CHD8: variants seen among roughly 807,000 people sequenced by gnomAD.
CHD8 encodes ATP-dependent chromatin remodeler CHD8.
Under a neutral mutation model 279.2 loss-of-function variants are expected in CHD8, and 31 were observed. The ratio of observed to expected loss-of-function variants is 0.11; its 90% confidence interval spans 0.08 to 0.15. CHD8 has a LOEUF of 0.15. CHD8 is among the 10% of genes least tolerant of loss of function. CHD8 has a pLI of 1.00. For synonymous variants in CHD8, 1,081 were observed against 1,139.6 expected, an observed-to-expected ratio of 0.95 and a Z score of 1.04; for missense variants, 2,146 against 3,230.5, an observed-to-expected ratio of 0.66 and a Z score of 8.14.
In CHD8 at chr14:21,415,925, G is replaced by C. The variant is rs770038807; in HGVS notation, c.1717-18C>G. The C allele has an allele frequency of 6.2e-7, 1 of 1,603,458 alleles. No homozygotes were observed. Among genetic ancestry groups the C allele is most frequent in the South Asian group, 1.1e-5 (1 of 89,446 alleles). On this transcript the variant is annotated intron_variant, in intron 5 of 37. Transcript: ENST00000646647. ...CGTCTCTTCTGTAGAGCAAAAAGTAGTTAGAGTGACTAGTTAGGTCTCTCA... is the reference window on the plus strand; with the variant it reads ...CGTCTCTTCTGTAGAGCAAAAAGTACTTAGAGTGACTAGTTAGGTCTCTCA...
rs566804744 is a variant in CHD8, at chr14:21,431,511, A to G, written c.133T>C (p.Ser45Pro). The G allele has an allele frequency of 6.5e-7, 1 of 1,537,182 alleles. No individual in the cohort carries two copies. The highest frequency in any genetic ancestry group is 2.4e-5 in the East Asian group (1 of 40,916). Reference protein sequence around the residue: ...EALGLPSSLDSLDQMNQDGGG... With the variant: ...EALGLPSSLDPLDQMNQDGGG... ...CCATCCTGGTTCATCTGATCCAAGG[A>G]GTCCAGAGAGCTTGGCAGTCCAAGG... is the stretch of plus-strand genomic sequence containing the variant. Residue 45 changes from serine to proline, a missense_variant, in exon 2 of 38, where the codon TCC becomes CCC. Physicochemically the swap from Ser to Pro is moderately conservative, Grantham distance 74. Transcript: ENST00000646647.
intron 5 of CHD8, among the ~76,000 whole-genome samples, chr14:21,421,382 T>A (rs1889038642): frequency 6.6e-6 from 1 of 151,848 alleles, no homozygotes; most frequent in Non-Finnish European, 1.5e-5. Flanking sequence ...TGCCATCTAG[T>A]ATTCTACTGC....
Position 21,428,196 on chromosome 14 carries a change from C to G in CHD8, c.1274G>C (p.Ser425Thr). 1 of 1,613,980 alleles carries G rather than the reference C, an allele frequency of 6.2e-7. No homozygotes were observed. The highest frequency in any genetic ancestry group is 8.5e-7 in the Non-Finnish European group (1 of 1,179,858). Residue 425 changes from serine (S) to threonine (T), a missense_variant, in exon 4 of 38, where the codon AGT becomes ACT. Ser to Thr is a moderately conservative substitution (Grantham distance 58). Coordinates refer to ENST00000646647, the MANE Select transcript of CHD8 (RefSeq NM_001170629.2). ...TGGTGATGACAAAGCTGCCACTTCA[C>G]TGGCACTCAGAACTTTAACTACAGA... is the stretch of plus-strand genomic sequence containing the variant. Reference protein sequence around the residue: ...GLSVVKVLSASEVAALSSPAS... With the variant: ...GLSVVKVLSATEVAALSSPAS...
chr14:21,442,516 GT>G (rs1890002034), intron 1 of CHD8, among the ~76,000 whole-genome samples: 1 of 151,254 alleles, frequency 6.6e-6, no homozygotes, highest in Non-Finnish European at 1.5e-5. Flanking sequence ...GGCATATGCT[GT>G]GGTCTCAGCT....
intron 27 of CHD8, chr14:21,397,411 A>G: frequency 3.9e-6 from 2 of 515,144 alleles, no homozygotes; most frequent in East Asian, 5.5e-5. Flanking sequence ...ACATGTTTTC[A>G]GGCAAAATAA....
intron 33 of CHD8, 62 bp downstream of exon 33, chr14:21,393,044 C>T (rs1280579207): frequency 3.7e-5 from 56 of 1,521,914 alleles, no homozygotes; most frequent in Middle Eastern, 2.3e-4. Flanking sequence ...CCTTTTTCCC[C>T]GGATATACTG....
At chr14:21,421,246 T>C (rs1165073149) in intron 5 of CHD8, among the ~76,000 whole-genome samples, 6 of 152,126 alleles carry the variant, frequency 3.9e-5, no homozygotes, top group Non-Finnish European at 1.5e-5. Flanking sequence ...AATGGATGCA[T>C]ATACATATAT....
At chr14:21,448,969 T>A (rs1398793051) in intron 1 of CHD8, among the ~76,000 whole-genome samples, 1 of 151,498 alleles carries the variant, frequency 6.6e-6, no homozygotes, top group Non-Finnish European at 1.5e-5. Flanking sequence ...GGTCAGGAGA[T>A]CGAGACCATC....
At chr14:21,440,071 G>A (rs1178884626) in intron 1 of CHD8, among the ~76,000 whole-genome samples, 2 of 152,208 alleles carry the variant, frequency 1.3e-5, no homozygotes, top group African/African-American at 4.8e-5. Flanking sequence ...GTGTATGTAT[G>A]TGGGAAGAGG....
chr14:21,411,889 C>A (rs1371750342), intron 10 of CHD8, among the ~76,000 whole-genome samples: 1 of 151,904 alleles, frequency 6.6e-6, no homozygotes, highest in Non-Finnish European at 1.5e-5. Context: ...CATGGTGAAA[C>A]CCTGTCTGTA....
chr14:21,426,048 G>A lies in CHD8; in HGVS notation c.1716+80C>T, dbSNP rs79484978. 10,540 of 848,096 alleles carry A rather than the reference G, an allele frequency of 0.012. 532 individuals are homozygous for A. In the East Asian group the frequency reaches 0.15, roughly 12 times the overall value. 52.5% of individuals were successfully genotyped at this position (848,096 alleles called of 1,614,324 possible). A position where few individuals can be genotyped will look rare whatever the true frequency, so the allele number is the denominator to read the frequency against. ...GCCAAAGAAATGTGTATAGACTTAC[G>A]ATTTCTCAATATCTGCTTGGCTTGG... On this transcript the variant is annotated intron_variant, in intron 5 of 37. Transcript: ENST00000646647.
chr14:21,404,073 T>C (rs1237764731), intron 16 of CHD8, among the ~76,000 whole-genome samples: 1 of 149,508 alleles, frequency 6.7e-6, no homozygotes, highest in African/African-American at 2.5e-5. Flanking sequence ...CACTCCAGCC[T>C]GGGTGACAGA....
intron 1 of CHD8, among the ~76,000 whole-genome samples, chr14:21,452,408 C>T (rs901538229): frequency 4.6e-5 from 7 of 151,922 alleles, no homozygotes; most frequent in Admixed American, 3.3e-4. Context: ...TTTGGGAGGC[C>T]GAGGCAGGCA....
chr14:21,443,855 C>CAAAAA (rs369671712), intron 1 of CHD8, among the ~76,000 whole-genome samples: 93 of 46,276 alleles, frequency 2.0e-3, no homozygotes, highest in African/African-American at 4.1e-3. Flanking sequence ...GACTCCGTCT[C>CAAAAA]AAAAAAAAAA....
intron 30 of CHD8, 191 bp downstream of exon 30, chr14:21,394,721 C>A: frequency 1.5e-6 from 1 of 654,092 alleles, no homozygotes; most frequent in South Asian, 2.0e-5. Context: ...AATGTCTACA[C>A]AGGAGACCTA....
chr14:21,430,594 T>C, intron 2 of CHD8: 1 of 546,552 alleles, frequency 1.8e-6, no homozygotes, highest in Non-Finnish European at 3.3e-6. Flanking sequence ...ACAATGTAAA[T>C]GTGTAGTAAG....
rs778577322 is a variant in CHD8 at position 21,403,229 on chromosome 14, G to GA, written c.3519-18dup. 11 of 1,604,804 alleles carry GA rather than the reference G, an allele frequency of 6.9e-6. No homozygotes were observed. In the Admixed American group the frequency reaches 6.9e-5, roughly 10 times the overall value. ...TATAAGTACCTGTATGGGAATCGCAGAAAAAAAATGTAAGTGGCTAAGCAG... is the reference window on the plus strand; with the variant it reads ...TATAAGTACCTGTATGGGAATCGCAGAAAAAAAAATGTAAGTGGCTAAGCAG... On this transcript the variant is annotated splice_polypyrimidine_tract_variant and intron_variant, in intron 17 of 37. Coordinates refer to ENST00000646647, the MANE Select transcript of CHD8 (RefSeq NM_001170629.2). This position sits in a 1 kb window ranked among gnomAD's most constrained non-coding sequence, Gnocchi z 4.3.
chr14:21,395,107 T>C lies in CHD8; in HGVS notation c.5195A>G (p.Gln1732Arg), dbSNP rs201074234. The change falls in exon 30 of 38, where the codon CAA becomes CGA. Residue 1732 changes from glutamine to arginine, a missense_variant. Coordinates refer to ENST00000646647, the MANE Select transcript of CHD8 (RefSeq NM_001170629.2). ...VIDGDEAQVT[Q>R]QPGHLFWPPG... is the part of the protein sequence containing the mutation. The stretch of plus-strand genomic sequence containing the variant: ...AGGCCAGAATAAATGGCCTGGCTGT[T>C]GGGTCACCTGGGCTGTGGAAAACAA... 2,164 of 1,613,642 alleles carry C rather than the reference T, an allele frequency of 1.3e-3. 2 individuals are homozygous for C. Among genetic ancestry groups the C allele is most frequent in the Non-Finnish European group, 1.7e-3 (2,037 of 1,179,694 alleles).
At chr14:21,433,363 A>G (rs1247629082) in intron 1 of CHD8, among the ~76,000 whole-genome samples, 6 of 152,268 alleles carry the variant, frequency 3.9e-5, no homozygotes, top group Non-Finnish European at 7.3e-5. Context: ...ACAGGGAAGT[A>G]TATCACCATA....
Sources: gnomAD v4.1 joint callset for allele counts (sites outside exome capture counted in the v4.1 genomes callset) on GRCh38, gnomAD v4.1.1 for gene constraint, Gnocchi (gnomAD v3.1) non-coding constraint, MANE v1.5 for transcripts, NCBI Gene and HGNC (gene_info 2026-07-23, HGNC 2026-07-21) for gene names.